MYRFL: variants seen among roughly 807,000 people sequenced by gnomAD.
The protein encoded by MYRFL is myelin regulatory factor-like protein.
A neutral mutation model predicts 109.4 loss-of-function variants in MYRFL; 88 were observed. The ratio of observed to expected loss-of-function variants is 0.80; its 90% CI spans 0.68 to 0.96. The LOEUF is 0.96. Among genes scored for constraint, MYRFL ranks in the 40% least tolerant of loss-of-function variants. The pLI is 0.00. For missense variants in MYRFL, 957 were observed against 954.9 expected (o/e 1.00, Z -0.03); for synonymous variants, 324 against 320.9 (o/e 1.01, Z -0.10).
chr12:69,915,302 G>A (rs937540067), intron 13 of MYRFL, among the ~76,000 whole-genome samples: 2 of 152,138 alleles, frequency 1.3e-5, no homozygotes, highest in Admixed American at 1.3e-4. Flanking sequence ...GTAATAAGTG[G>A]AGGAGGTCAT....
chr12:69,879,947 A>G lies in MYRFL; in HGVS notation c.465-254A>G, dbSNP rs191471815. ...GTTGTCGGGTGTAAAATGTATACCT[A>G]TATTTTAAGTCTGTATCTTCCCTGT... On this transcript the variant is annotated intron_variant, in intron 4 of 24. Coordinates refer to ENST00000552032, the MANE Select transcript of MYRFL (RefSeq NM_182530.3). 1.8e-4 allele frequency among the ~76,000 whole-genome samples: 27 copies of G among 152,242 alleles called. No individual in the cohort carries two copies. The East Asian group carries it at 3.3e-3, about 19-fold the overall frequency.
chr12:69,927,669 T>G lies in MYRFL; in HGVS notation c.1767-16T>G, dbSNP rs1159382273. 7.4e-7 allele frequency: 1 copy of G among 1,350,236 alleles called. No individual in the cohort carries two copies. The highest frequency in any genetic ancestry group is 2.6e-5 in the East Asian group (1 of 39,010). 83.6% of individuals were successfully genotyped at this position (1,350,236 alleles called of 1,614,324 possible). The stretch of plus-strand genomic sequence containing the variant: ...GAGGTATTTGAATAGTAACCAATTT[T>G]CTCTCTCTTTTAAAGCAAATCTAGC... On this transcript the variant is annotated splice_polypyrimidine_tract_variant and intron_variant, in intron 14 of 24. Transcript: ENST00000552032.
chr12:69,907,869 T>C (rs1373710704), intron 11 of MYRFL, among the ~76,000 whole-genome samples: 1 of 152,094 alleles, frequency 6.6e-6, no homozygotes, highest in Non-Finnish European at 1.5e-5. Flanking sequence ...TAGATATTTG[T>C]TGACTGAGTG....
intron 2 of MYRFL, among the ~76,000 whole-genome samples, chr12:69,877,622 A>G (rs1239532776): frequency 6.6e-6 from 1 of 152,052 alleles, no homozygotes; most frequent in Non-Finnish European, 1.5e-5. Context: ...TTATTCCTTT[A>G]CATTTATTTG....
chr12:69,908,150 A>G (rs1198417544), intron 11 of MYRFL, among the ~76,000 whole-genome samples: 5 of 152,158 alleles, frequency 3.3e-5, no homozygotes, highest in African/African-American at 9.7e-5. Flanking sequence ...TTAAGTTATC[A>G]ATGTATTTAA....
intron 19 of MYRFL, among the ~76,000 whole-genome samples, chr12:69,943,875 A>C (rs1955747258): frequency 6.6e-6 from 1 of 152,198 alleles, no homozygotes; most frequent in South Asian, 2.1e-4. Context: ...TGGATGAAGG[A>C]CATGAACAGA....
chr12:69,944,824 C>G (rs1452371115), intron 19 of MYRFL, among the ~76,000 whole-genome samples: 2 of 152,004 alleles, frequency 1.3e-5, no homozygotes, highest in Admixed American at 6.5e-5. Flanking sequence ...GTGTGTATAC[C>G]TATGTAACAC....
intron 2 of MYRFL, among the ~76,000 whole-genome samples, chr12:69,863,075 C>T (rs1407811330): frequency 1.3e-5 from 2 of 151,778 alleles, no homozygotes; most frequent in Admixed American, 6.6e-5. Flanking sequence ...TATATTGAAC[C>T]AGCCTTGCAT....
intron 2 of MYRFL, among the ~76,000 whole-genome samples, chr12:69,859,517 G>T (rs2136323951): frequency 6.6e-6 from 1 of 152,296 alleles, no homozygotes; most frequent in East Asian, 1.9e-4. Flanking sequence ...TAATTGTATT[G>T]AATTGAAAAG....
chr12:69,920,834 T>C (rs1318946416), intron 13 of MYRFL, among the ~76,000 whole-genome samples: 2 of 152,236 alleles, frequency 1.3e-5, no homozygotes, highest in African/African-American at 2.4e-5. Context: ...ATTGTTTCCA[T>C]GTGCAATACA....
chr12:69,930,813 G>GAAA (rs61430519), intron 15 of MYRFL, among the ~76,000 whole-genome samples: 3 of 128,386 alleles, frequency 2.3e-5, no homozygotes, highest in Non-Finnish European at 4.8e-5. Context: ...CCCTATCTAA[G>GAAA]AAAAAAAAAA....
Position 69,958,330 on chromosome 12 carries a change from T to C in MYRFL, c.2646+7T>C. On this transcript the variant is annotated splice_region_variant and intron_variant, in intron 24 of 24. Transcript: ENST00000552032. ...TTTCCGTGTAGCTGCACCGGTAAGCTTGCTTTTTCTTTTTCTTTTCAGTGA... is the reference window on the plus strand; with the variant it reads ...TTTCCGTGTAGCTGCACCGGTAAGCCTGCTTTTTCTTTTTCTTTTCAGTGA... 6.5e-7 allele frequency: 1 copy of C among 1,534,936 alleles called. No individual in the cohort carries two copies.
intron 13 of MYRFL, among the ~76,000 whole-genome samples, chr12:69,921,714 A>G (rs892842155): frequency 6.6e-6 from 1 of 152,222 alleles, no homozygotes; most frequent in Non-Finnish European, 1.5e-5. Flanking sequence ...GAATAGGAAA[A>G]TATATGAATT....
At position 69,932,470 on chromosome 12, in the gene MYRFL, G is replaced by T; in HGVS notation, c.1831-43G>T. 3 of 1,316,232 alleles carry T rather than the reference G, an allele frequency of 2.3e-6. No individual in the cohort carries two copies. The South Asian group carries it at 3.8e-5, about 17-fold the overall frequency. The allele number at this position is 1,316,232 out of a possible 1,614,324, so 81.5% of individuals were successfully genotyped here. A position where few individuals can be genotyped will look rare whatever the true frequency, so the allele number is the denominator to read the frequency against. On this transcript the variant is annotated intron_variant, in intron 15 of 24. Coordinates refer to ENST00000552032, the MANE Select transcript of MYRFL (RefSeq NM_182530.3). ...TCTCCAGGCTCCCTTCTCACAGTTA[G>T]AGTTGCTAATTTATCACTGCTCATT...
chr12:69,914,611 T>C lies in MYRFL; in HGVS notation c.1602+3681T>C, dbSNP rs139465982. Reference sequence around the variant, plus strand: ...CCCTAGTTGAGTTGATTGGGAATAGTTGAGACAGAATCTTCTCTTTCTATC... The same window carrying C: ...CCCTAGTTGAGTTGATTGGGAATAGCTGAGACAGAATCTTCTCTTTCTATC... On this transcript the variant is annotated intron_variant, in intron 13 of 24. Coordinates refer to ENST00000552032, the MANE Select transcript of MYRFL (RefSeq NM_182530.3). Among the ~76,000 whole-genome samples, 1,444 of 152,330 alleles carry C rather than the reference T, an allele frequency of 9.5e-3. 15 individuals carry two copies. The highest frequency in any genetic ancestry group is 0.024 in the Middle Eastern group (7 of 294).
chr12:69,860,705 C>G (rs902868151), intron 2 of MYRFL, among the ~76,000 whole-genome samples: 1 of 151,412 alleles, frequency 6.6e-6, no homozygotes, highest in African/African-American at 2.4e-5. Flanking sequence ...TATTGATTGC[C>G]TTTTAAACTC....
At chr12:69,939,148 T>TAAAC (rs1955560817) in intron 19 of MYRFL, among the ~76,000 whole-genome samples, 1 of 152,012 alleles carries the variant, frequency 6.6e-6, no homozygotes, top group South Asian at 2.1e-4. Flanking sequence ...CTTGCTTAGG[T>TAAAC]AAACAAAGCA....
chr12:69,863,350 G>A (rs61927980), intron 2 of MYRFL, among the ~76,000 whole-genome samples: 17,202 of 152,158 alleles, frequency 0.11, 1,254 homozygotes, highest in Middle Eastern at 0.18. Context: ...TGTACCTCTG[G>A]TAGAATTCGG....
chr12:69,879,401 C>A lies in MYRFL; in HGVS notation c.412C>A (p.His138Asn). The change falls in exon 4 of 25, where the codon CAT (histidine) becomes AAT (asparagine). Residue 138 changes from histidine (H) to asparagine (N), a missense_variant. By Grantham distance (68) the His-to-Asn change is moderately conservative. Transcript: ENST00000552032. The stretch of plus-strand genomic sequence containing the variant: ...CCCCCTGGACCAATCCGTGTCCTCC[C>A]ATCTGGGGATAGGTTGTTCTTACCC... ...ATPLDQSVSSHLGIGCSYPQQ... is the reference protein window; with the variant it reads ...ATPLDQSVSSNLGIGCSYPQQ... The A allele has an allele frequency of 1.4e-6, 1 of 702,904 alleles. No individual in the cohort carries two copies. Among genetic ancestry groups the A allele is most frequent in the Non-Finnish European group, 2.6e-6 (1 of 384,846 alleles). The allele number at this position is 702,904 out of a possible 1,614,324, so 43.5% of individuals were successfully genotyped here. A position where few individuals can be genotyped will look rare whatever the true frequency, so the allele number is the denominator to read the frequency against.
Sources: allele counts gnomAD v4.1 joint callset (sites outside exome capture counted in the v4.1 genomes callset), GRCh38; gene constraint gnomAD v4.1.1; transcripts MANE v1.5; gene names NCBI Gene and HGNC (gene_info 2026-07-23, HGNC 2026-07-21).